The following MIOS variants were observed in gnomAD, a reference collection of about 807,000 sequenced individuals.
The protein encoded by MIOS is meiosis regulator for oocyte development.
Under a neutral mutation model 96.9 loss-of-function variants are expected in MIOS, and 52 were observed. That is an observed-to-expected ratio of 0.54 (90% CI 0.43 to 0.68). The LOEUF is 0.68. MIOS is among the 30% of genes least tolerant of loss of function. The pLI, the probability that MIOS is intolerant of heterozygous loss-of-function variation, is 0.00. For missense variants in MIOS, 1,005 were observed against 1,052.8 expected, an observed-to-expected ratio of 0.95 and a Z score of 0.63; for synonymous variants, 397 against 359.5, an observed-to-expected ratio of 1.10 and a Z score of -1.18.
intron 9 of MIOS, among the ~76,000 whole-genome samples, chr7:7,589,780 C>A (rs17464497): frequency 0.025 from 3,823 of 152,184 alleles, 112 homozygotes; most frequent in African/African-American, 0.063. Flanking sequence ...CTGAGAAGGG[C>A]CAGTCTTGAC....
chr7:7,602,576 G>C (rs537324408), intron 11 of MIOS, among the ~76,000 whole-genome samples: 495 of 152,158 alleles, frequency 3.3e-3, no homozygotes, highest in African/African-American at 6.7e-3. Flanking sequence ...AATAAAAGAG[G>C]ATACAAACAA....
intron 11 of MIOS, 140 bp from the exon 12 acceptor site, chr7:7,605,802 C>G: frequency 2.4e-6 from 2 of 823,062 alleles, no homozygotes; most frequent in Non-Finnish European, 3.6e-6. Flanking sequence ...TTCATCTAAA[C>G]TAGAACCTAC....
chr7:7,602,816 A>G (rs1235252119), intron 11 of MIOS, among the ~76,000 whole-genome samples: 3 of 152,110 alleles, frequency 2.0e-5, no homozygotes, highest in Non-Finnish European at 4.4e-5. Flanking sequence ...CTGACTTCAA[A>G]CTATACTACA....
chr7:7,606,919 C>G (rs1784547680), intron 12 of MIOS, 77 bp from the exon 13 acceptor site: 5 of 1,185,144 alleles, frequency 4.2e-6, no homozygotes, highest in Non-Finnish European at 6.1e-6. Context: ...GACCCTGTCT[C>G]TTAAAAAATA....
At chr7:7,603,728 T>G (rs1281357080) in intron 11 of MIOS, among the ~76,000 whole-genome samples, 1 of 152,140 alleles carries the variant, frequency 6.6e-6, no homozygotes. Context: ...ACCCAAAGGA[T>G]TATAAATCAT....
intron 11 of MIOS, among the ~76,000 whole-genome samples, chr7:7,601,600 A>AT (rs1344722273): frequency 2.0e-5 from 3 of 152,192 alleles, no homozygotes; most frequent in Non-Finnish European, 2.9e-5. Flanking sequence ...AACCAAAAAA[A>AT]GTCCAGGACC....
Position 7,582,813 on chromosome 7 carries a change from A to G in MIOS, c.1394-305A>G, listed in dbSNP as rs550377618. On this transcript the variant is annotated intron_variant, in intron 5 of 12. Transcript: ENST00000340080. The stretch of plus-strand genomic sequence containing the variant: ...AGTGCTAAAGGAAATAGAGGAAACA[A>G]TGGGTGGTGAGTTAGATAATAACAA... 1.3e-3 allele frequency: 358 copies of G among 268,706 alleles called. 1 individual carries two copies. The highest frequency in any genetic ancestry group is 3.2e-3 in the Admixed American group (60 of 18,492). 16.6% of individuals were successfully genotyped at this position (268,706 alleles called of 1,614,324 possible).
chr7:7,567,465 C>T (rs1254299704), intron 1 of MIOS, 142 bp from the exon 2 acceptor site: 1 of 151,112 alleles, frequency 6.6e-6, no homozygotes, highest in Non-Finnish European at 1.5e-5. Flanking sequence ...TACTATACTT[C>T]TTAAACGGCC....
chr7:7,605,783 C>A, intron 11 of MIOS, 159 bp from the exon 12 acceptor site: 1 of 578,474 alleles, frequency 1.7e-6, no homozygotes, highest in Non-Finnish European at 2.8e-6. Flanking sequence ...TTCTGTCATT[C>A]AGTTTCGCTT....
intron 9 of MIOS, 27 bp from the exon 10 acceptor site, chr7:7,594,953 T>C (rs1360501362): frequency 2.6e-6 from 4 of 1,559,450 alleles, no homozygotes; most frequent in Admixed American, 3.7e-5. Context: ...TTTTAAACAA[T>C]TGAAATAATT....
intron 11 of MIOS, among the ~76,000 whole-genome samples, chr7:7,603,993 ACAGG>A (rs1025047547): frequency 6.6e-6 from 1 of 151,642 alleles, no homozygotes; most frequent in Non-Finnish European, 1.5e-5. Context: ...GTTCTCACTG[ACAGG>A]CGGGAATTGA....
intron 9 of MIOS, among the ~76,000 whole-genome samples, chr7:7,593,236 A>C (rs1025669112): frequency 3.3e-5 from 5 of 152,198 alleles, no homozygotes; most frequent in African/African-American, 1.2e-4. Flanking sequence ...AATTAGGGCT[A>C]GAGTAGACCT....
intron 5 of MIOS, chr7:7,582,708 A>G (rs966201114): frequency 1.3e-6 from 1 of 760,434 alleles, no homozygotes; most frequent in Non-Finnish European, 1.6e-6. Context: ...CAGACAAGAC[A>G]CCTGCCCTTT....
chr7:7,586,155 C>CGTGTGT lies in MIOS; in HGVS notation c.1818+385_1818+390dup, dbSNP rs10527974. Among the ~76,000 whole-genome samples, 172 of 150,050 alleles carry CGTGTGT rather than the reference C, an allele frequency of 1.1e-3. 1 individual carries two copies. The highest frequency in any genetic ancestry group is 2.5e-3 in the African/African-American group (100 of 40,766). On this transcript the variant is annotated intron_variant, in intron 7 of 12. Transcript: ENST00000340080. Reference sequence around the variant, plus strand: ...GCTGTTTACACTGTGCACACATGCACGTGTGTGTGTGTGTGTGTGTGTGTG... The same window carrying CGTGTGT: ...GCTGTTTACACTGTGCACACATGCACGTGTGTGTGTGTGTGTGTGTGTGTGTGTGTG...
chr7:7,606,158 C>A (rs1784524923), intron 12 of MIOS, 87 bp downstream of exon 12: 3 of 1,499,734 alleles, frequency 2.0e-6, no homozygotes, highest in South Asian at 2.6e-5. Context: ...TATCTATTAG[C>A]ATTTAGCCAA....
In MIOS at chr7:7,585,745, G is replaced by A. The variant is rs374501004; in HGVS notation, c.1758G>A (p.Pro586=). The A allele has an allele frequency of 2.0e-5, 33 of 1,611,888 alleles. No individual in the cohort carries two copies. The highest frequency in any genetic ancestry group is 2.5e-5 in the Non-Finnish European group (30 of 1,179,064). The part of the protein sequence containing the change: ...CSTLRLQLNN[P]YLCVMFAFLT... ...CACTGCGATTACAGCTAAATAACCC[G>A]TATTTGTGTGTCATGTTTGCATTTC... The change falls in exon 7 of 13, where the codon CCG becomes CCA. Residue 586 remains proline (P), a synonymous_variant. Transcript: ENST00000340080.
chr7:7,605,474 T>G (rs1697283221), intron 11 of MIOS: 1 of 152,636 alleles, frequency 6.6e-6, no homozygotes, highest in African/African-American at 2.4e-5. Flanking sequence ...TTTGTATTTT[T>G]AACAGAGACG....
chr7:7,596,658 C>A (rs951959619), intron 11 of MIOS, among the ~76,000 whole-genome samples, 197 bp downstream of exon 11: 1 of 152,174 alleles, frequency 6.6e-6, no homozygotes, highest in African/African-American at 2.4e-5. Flanking sequence ...ATTGATACTT[C>A]AGGTAATTTC....
At chr7:7,583,504 G>T in intron 6 of MIOS, 132 bp downstream of exon 6, 1 of 1,035,092 alleles carries the variant, frequency 9.7e-7, no homozygotes. Flanking sequence ...TTTGTTGGAG[G>T]AGAAAACACA....
Sources: gnomAD v4.1 joint callset for allele counts (sites outside exome capture counted in the v4.1 genomes callset) on GRCh38, gnomAD v4.1.1 for gene constraint, MANE v1.5 for transcripts, NCBI Gene and HGNC (gene_info 2026-07-23, HGNC 2026-07-21) for gene names.